ZNF821: variants seen among roughly 807,000 people sequenced by gnomAD.
The protein encoded by ZNF821 is zinc finger protein 821.
In ZNF821, 16 loss-of-function variants were observed where a neutral mutation model predicts 44.3. The ratio of observed to expected loss-of-function variants is 0.36; its 90% CI spans 0.24 to 0.55. ZNF821 has a LOEUF of 0.55. Ranked by LOEUF, ZNF821 falls within the 20% of genes least tolerant of loss-of-function variation. The pLI is 0.86. For synonymous variants in ZNF821, 204 were observed against 197.6 expected, an observed-to-expected ratio of 1.03 and a Z score of -0.27; for missense variants, 436 against 547.6, an observed-to-expected ratio of 0.80 and a Z score of 2.03.
intron 1 of ZNF821, among the ~76,000 whole-genome samples, chr16:71,890,937 A>AT (rs985416084): frequency 4.1e-4 from 62 of 149,992 alleles, no homozygotes; most frequent in East Asian, 1.6e-3. Context: ...CGCCCAGCTA[A>AT]TTTTTTTTTG....
chr16:71,870,882 G>C (rs1354591320), intron 3 of ZNF821, among the ~76,000 whole-genome samples: 1 of 152,172 alleles, frequency 6.6e-6, no homozygotes, highest in Non-Finnish European at 1.5e-5. Context: ...TTATGTACTA[G>C]CATATAATTA....
intron 1 of ZNF821, among the ~76,000 whole-genome samples, chr16:71,892,548 G>A (rs955119990): frequency 3.3e-5 from 5 of 149,274 alleles, no homozygotes; most frequent in African/African-American, 9.9e-5. Flanking sequence ...GATTACAGGT[G>A]TGAACCACCG....
upstream of ZNF821, chr16:71,885,406 C>T (rs1319831370): frequency 1.3e-5 from 2 of 152,264 alleles, no homozygotes; most frequent in African/African-American, 2.4e-5. Context: ...TGAGCCTCTG[C>T]TTCCTAAGAT....
intron 3 of ZNF821, among the ~76,000 whole-genome samples, chr16:71,874,559 T>C (rs2035593590): frequency 6.6e-6 from 1 of 152,100 alleles, no homozygotes; most frequent in East Asian, 1.9e-4. Flanking sequence ...GTTCAAGCAA[T>C]CCTCCTGCCT....
intron 7 of ZNF821, 130 bp downstream of exon 7, chr16:71,861,646 T>C: frequency 9.5e-7 from 1 of 1,050,878 alleles, no homozygotes; most frequent in South Asian, 1.5e-5. Flanking sequence ...GCCTTCTTAC[T>C]TGTACTTCCA....
intron 3 of ZNF821, among the ~76,000 whole-genome samples, chr16:71,879,154 G>C (rs1474329094): frequency 6.6e-6 from 1 of 152,064 alleles, no homozygotes; most frequent in Non-Finnish European, 1.5e-5. Context: ...ACTTGGCCTG[G>C]CATTCAGCCT....
chr16:71,859,856 TC>T lies in ZNF821; in HGVS notation c.*161del, dbSNP rs1296446196. On this transcript the variant is annotated 3_prime_UTR_variant, in exon 8 of 8. Transcript: ENST00000425432. ...GTCCCTCCTGACCCCATCATCCTGT[TC>T]CCATATGCAAGGGCTGCTCAGGTCC... The T allele has an allele frequency of 1.3e-6, 1 of 779,386 alleles. No individual in the cohort carries two copies. Among genetic ancestry groups the T allele is most frequent in the Non-Finnish European group, 2.0e-6 (1 of 502,478 alleles). 48.3% of individuals were successfully genotyped at this position (779,386 alleles called of 1,614,324 possible). A position where few individuals can be genotyped will look rare whatever the true frequency, so the allele number is the denominator to read the frequency against.
intron 3 of ZNF821, among the ~76,000 whole-genome samples, chr16:71,879,566 T>C (rs1011948796): frequency 1.3e-5 from 2 of 152,144 alleles, no homozygotes; most frequent in African/African-American, 2.4e-5. Flanking sequence ...ATAGATCTTA[T>C]ATTGGTTTAG....
chr16:71,874,084 G>A (rs766551255), intron 3 of ZNF821, among the ~76,000 whole-genome samples: 1 of 150,270 alleles, frequency 6.7e-6, no homozygotes, highest in East Asian at 2.0e-4. Flanking sequence ...TTAGCCTCCC[G>A]AGTAGCTGGG....
chr16:71,866,654 A>G (rs527413749), intron 4 of ZNF821, among the ~76,000 whole-genome samples: 1 of 152,262 alleles, frequency 6.6e-6, no homozygotes, highest in East Asian at 1.9e-4. Flanking sequence ...GGGATAGTAC[A>G]TCCTTCAGAA....
At chr16:71,866,108 T>G (rs574586453) in intron 4 of ZNF821, among the ~76,000 whole-genome samples, 1 of 152,298 alleles carries the variant, frequency 6.6e-6, no homozygotes, top group South Asian at 2.1e-4. Flanking sequence ...TAACCCCACC[T>G]GGATCCTGGA....
At chr16:71,880,299 G>A (rs1165512024) in intron 2 of ZNF821, 1 of 185,222 alleles carries the variant, frequency 5.4e-6, no homozygotes, top group Non-Finnish European at 1.1e-5. Context: ...CATGATCAAG[G>A]TCACAGGATA....
intron 6 of ZNF821, 91 bp downstream of exon 6, chr16:71,864,047 G>A (rs1305653029): frequency 2.7e-6 from 3 of 1,131,584 alleles, no homozygotes; most frequent in Non-Finnish European, 2.7e-6. Flanking sequence ...TCCTTCAGGA[G>A]CCAGAGAGAG....
chr16:71,860,375 C>T lies in ZNF821; in HGVS notation c.882G>A (p.Glu294=), dbSNP rs766928740. ...CTTCACGGTCCCTCATGCGCCTCAC[C>T]TCCCGCTCCTCGGGGGTCTCATTGT... is the stretch of plus-strand genomic sequence containing the variant. ...RRDNETPEER[E]VRRMRDREAK... Residue 294 remains glutamate (E), a synonymous_variant, in exon 8 of 8, where the codon GAG becomes GAA. Coordinates refer to ENST00000425432, the MANE Select transcript of ZNF821 (RefSeq NM_001201552.2). The surrounding 1 kb of genome is among the most constrained non-coding windows in gnomAD (Gnocchi z 7.3). 1.2e-5 allele frequency: 20 copies of T among 1,611,780 alleles called. No individual in the cohort carries two copies. The East Asian group carries it at 4.5e-4, about 36-fold the overall frequency.
intron 6 of ZNF821, 23 bp from the exon 7 acceptor site, chr16:71,861,965 G>A (rs779381024): frequency 9.3e-6 from 15 of 1,611,802 alleles, no homozygotes; most frequent in Non-Finnish European, 1.3e-5. Flanking sequence ...GCCTTGATCT[G>A]TCAGTCTTGC....
At chr16:71,891,020 C>A (rs187934332) in intron 1 of ZNF821, among the ~76,000 whole-genome samples, 1 of 150,880 alleles carries the variant, frequency 6.6e-6, no homozygotes, top group Non-Finnish European at 1.5e-5. Context: ...GTGATCCGCC[C>A]GCCTCACCCT....
At chr16:71,891,068 C>A (rs185378164) in intron 1 of ZNF821, among the ~76,000 whole-genome samples, 1 of 151,394 alleles carries the variant, frequency 6.6e-6, no homozygotes, top group East Asian at 2.0e-4. Context: ...GCCACCGCGC[C>A]CAGCCCCTTC....
intron 1 of ZNF821, chr16:71,894,817 C>G (rs1421533684): frequency 6.5e-7 from 1 of 1,533,506 alleles, no homozygotes; most frequent in African/African-American, 1.4e-5. Context: ...AGGTCCCTTC[C>G]AGGCTTAAGC....
At position 71,879,968 on chromosome 16, in the gene ZNF821, TGGTCTTTCCCA is replaced by T. The variant is rs779238745; in HGVS notation, c.-33_-23del. ...ACATGTTTCCCTGATGCAAGAGCTC[TGGTCTTTCCCA>T]GTTTCACGACTGGATATGTTACTAC... On this transcript the variant is annotated 5_prime_UTR_variant, in exon 3 of 8. Transcript: ENST00000425432. 1.2e-5 allele frequency: 20 copies of T among 1,611,762 alleles called. No homozygotes were observed. In the East Asian group the frequency reaches 4.5e-4, roughly 36 times the overall value.
Sources: allele counts gnomAD v4.1 joint callset (sites outside exome capture counted in the v4.1 genomes callset), GRCh38; gene constraint gnomAD v4.1.1; non-coding constraint Gnocchi (gnomAD v3.1); transcripts MANE v1.5; gene names NCBI Gene and HGNC (gene_info 2026-07-23, HGNC 2026-07-21).